The following THBS4 variants were observed in gnomAD, a reference collection of about 807,000 sequenced individuals.
THBS4 encodes thrombospondin 4.
THBS4 carries 90 observed loss-of-function variants against 115.7 expected under a neutral mutation model. The observed-to-expected ratio is 0.78, with a 90% CI of 0.66 to 0.93. The LOEUF (loss-of-function observed/expected upper bound fraction) is 0.93, where lower values mean the gene tolerates loss of function less well. Among genes scored for constraint, THBS4 ranks in the 40% least tolerant of loss-of-function variants. The probability of loss-of-function intolerance (pLI) is 0.00; values close to 1 mark genes in which losing one functional copy is unlikely to be tolerated. For missense variants in THBS4, 1,087 were observed against 1,232.7 expected (o/e 0.88, Z 1.77); for synonymous variants, 460 against 479.3 (o/e 0.96, Z 0.53).
chr5:80,011,390 C>T (rs1420905392), intron 2 of THBS4, among the ~76,000 whole-genome samples: 1 of 152,086 alleles, frequency 6.6e-6, no homozygotes, highest in African/African-American at 2.4e-5. Context: ...ACCATAGTTG[C>T]CACGGAGGCT....
At chr5:80,058,907 G>C in intron 5 of THBS4, 117 bp downstream of exon 5, 2 of 989,104 alleles carry the variant, frequency 2.0e-6, no homozygotes, top group Non-Finnish European at 3.0e-6. Flanking sequence ...CAGATCTCCG[G>C]GGGCCCACGC....
At position 80,058,724 on chromosome 5, in the gene THBS4, G is replaced by A; in HGVS notation, c.666G>A (p.Gln222=). The A allele has an allele frequency of 6.2e-7, 1 of 1,614,178 alleles. No homozygotes were observed. The highest frequency in any genetic ancestry group is 2.2e-5 in the East Asian group (1 of 44,864). ...AATGTGDFNR[Q]FLGQMTQLNQ... ...TTCCTACAGGGGACTTTAACCGGCA[G>A]TTCTTGGGTCAAATGACACAATTAA... is the stretch of plus-strand genomic sequence containing the variant. Residue 222 remains glutamine, a synonymous_variant, in exon 5 of 22, where the codon CAG becomes CAA. Coordinates refer to ENST00000350881, the MANE Select transcript of THBS4 (RefSeq NM_003248.6).
At chr5:80,073,452 C>T (rs1561326043) in intron 15 of THBS4, 125 bp downstream of exon 15, 14 of 810,796 alleles carry the variant, frequency 1.7e-5, no homozygotes, top group Admixed American at 9.2e-5. Flanking sequence ...GGTGCAATCT[C>T]GGCTCACTGC....
At chr5:80,007,323 C>T (rs998125761) in intron 2 of THBS4, among the ~76,000 whole-genome samples, 1 of 152,196 alleles carries the variant, frequency 6.6e-6, no homozygotes, top group Non-Finnish European at 1.5e-5. Context: ...TTTTCCAACT[C>T]TGATATTTTG....
chr5:80,001,523 A>G (rs958926930), intron 2 of THBS4, among the ~76,000 whole-genome samples: 1 of 152,168 alleles, frequency 6.6e-6, no homozygotes, highest in African/African-American at 2.4e-5. Context: ...GTGCTGTTGG[A>G]GATTAATTAA....
chr5:79,991,366 G>GA (rs1831668470), exon 1 of THBS4: 2 of 820,278 alleles, frequency 2.4e-6, no homozygotes, highest in Admixed American at 6.2e-5. Context: ...GAGAAACAAC[G>GA]ACTGGAGGGA....
Position 80,072,310 on chromosome 5 carries a change from T to C in THBS4, c.1753T>C (p.Phe585Leu). ...AAACATTCTGGACAACTGCCCAAAA[T>C]TTCCCAATCGTGACCAACGGGACAA... ...IKNILDNCPK[F>L]PNRDQRDKDG... The change falls in exon 14 of 22, where the codon TTT becomes CTT. Residue 585 changes from phenylalanine to leucine, a missense_variant. By Grantham distance (22) the Phe-to-Leu change is conservative (BLOSUM62 0). Transcript: ENST00000350881. The C allele has an allele frequency of 6.2e-7, 1 of 1,614,158 alleles. No individual in the cohort carries two copies. Among genetic ancestry groups the C allele is most frequent in the Non-Finnish European group, 8.5e-7 (1 of 1,180,030 alleles).
intron 1 of THBS4, among the ~76,000 whole-genome samples, chr5:79,992,358 G>A (rs750378867): frequency 1.2e-4 from 19 of 152,128 alleles, no homozygotes; most frequent in Middle Eastern, 3.4e-3. Flanking sequence ...TGAGATGGTC[G>A]GATCTTCTTA....
intron 2 of THBS4, 47 bp from the exon 3 acceptor site, chr5:80,055,738 C>T: frequency 5.1e-6 from 8 of 1,578,000 alleles, no homozygotes; most frequent in Non-Finnish European, 6.9e-6. Context: ...CTCCACTTCC[C>T]CCTCTGCCAC....
At position 80,068,093 on chromosome 5, in the gene THBS4, A is replaced by G; in HGVS notation, c.1315A>G (p.Ile439Val). 1.2e-6 allele frequency: 2 copies of G among 1,614,210 alleles called. No homozygotes were observed. The highest frequency in any genetic ancestry group is 8.5e-7 in the Non-Finnish European group (1 of 1,180,042). ...CCCTTGCAGTGTGAATGCCCAGTGCATTGAAGAGAGGCAGGGGGATGTGAC... is the reference window on the plus strand; with the variant it reads ...CCCTTGCAGTGTGAATGCCCAGTGCGTTGAAGAGAGGCAGGGGGATGTGAC... ...LNPCSVNAQCIEERQGDVTCV... is the reference protein window; with the variant it reads ...LNPCSVNAQCVEERQGDVTCV... Residue 439 changes from isoleucine (I) to valine (V), a missense_variant, in exon 10 of 22, where the codon ATT becomes GTT. By Grantham distance (29) the Ile-to-Val change is conservative. This residue lies in a region of THBS4 where 979 missense variants were observed against 1,103.7 expected (regional missense o/e 0.89). Coordinates refer to ENST00000350881, the MANE Select transcript of THBS4 (RefSeq NM_003248.6).
At chr5:79,991,557 G>C (rs995877412) in intron 1 of THBS4, 2 of 264,826 alleles carry the variant, frequency 7.6e-6, no homozygotes, top group Non-Finnish European at 1.4e-5. Flanking sequence ...GGATGACCCA[G>C]TATTTACAAG....
In THBS4 at chr5:80,026,337, A is replaced by G. The variant is rs1322622577; in HGVS notation, n.178-13740A>G. On this transcript the variant is annotated intron_variant and non_coding_transcript_variant, in intron 2 of 3. Coordinates refer to the THBS4 transcript ENST00000510218. ...CTCGACTCCTAGATCTGAGTAGTCAATAAGAAAGTAGGGAAGGGACTACCA... is the reference window on the plus strand; with the variant it reads ...CTCGACTCCTAGATCTGAGTAGTCAGTAAGAAAGTAGGGAAGGGACTACCA... Among the ~76,000 whole-genome samples, 8 of 152,232 alleles carry G rather than the reference A, an allele frequency of 5.3e-5. No individual in the cohort carries two copies. In the South Asian group the frequency reaches 1.0e-3, roughly 20 times the overall value.
chr5:80,031,438 G>A (rs948831052), upstream of THBS4, among the ~76,000 whole-genome samples: 4 of 152,188 alleles, frequency 2.6e-5, no homozygotes, highest in Non-Finnish European at 5.9e-5. Flanking sequence ...GAAATAAAAT[G>A]TAGTATATCA....
intron 2 of THBS4, among the ~76,000 whole-genome samples, chr5:80,013,248 TC>T (rs1338838513): frequency 6.6e-6 from 1 of 152,144 alleles, no homozygotes; most frequent in Non-Finnish European, 1.5e-5. Flanking sequence ...CAAGTGATTC[TC>T]CTGCCTCAGC....
Position 80,070,302 on chromosome 5 carries a change from A to G in THBS4, c.1348-4A>G. On this transcript the variant is annotated splice_polypyrimidine_tract_variant and splice_region_variant and intron_variant, in intron 10 of 21. Coordinates refer to ENST00000350881, the MANE Select transcript of THBS4 (RefSeq NM_003248.6). ...CAGGCCTCTGATGGGCTTTCCCTTT[A>G]CAGTGTGGAGTCGGTTGGGCTGGAG... 1 of 1,570,006 alleles carries G rather than the reference A, an allele frequency of 6.4e-7. No homozygotes were observed. Among genetic ancestry groups the G allele is most frequent in the Non-Finnish European group, 8.6e-7 (1 of 1,162,250 alleles).
intron 9 of THBS4, among the ~76,000 whole-genome samples, chr5:80,066,111 A>T (rs2112119044): frequency 6.6e-6 from 1 of 152,094 alleles, no homozygotes; most frequent in Admixed American, 6.5e-5. Flanking sequence ...AAAAAAAAAA[A>T]AAAACTTTTC....
At chr5:80,073,026 G>A (rs758781792) in intron 14 of THBS4, among the ~76,000 whole-genome samples, 6 of 152,114 alleles carry the variant, frequency 3.9e-5, no homozygotes, top group Non-Finnish European at 8.8e-5. Context: ...CTACCCCAGC[G>A]CCCCTTTCCA....
At chr5:80,032,314 C>G (rs1832601145), upstream of THBS4, among the ~76,000 whole-genome samples, 1 of 152,150 alleles carries the variant, frequency 6.6e-6, no homozygotes, top group South Asian at 2.1e-4. Flanking sequence ...TTCTGTTAGG[C>G]TAACAGAAAG....
At chr5:80,046,318 A>T (rs1438883074) in intron 2 of THBS4, among the ~76,000 whole-genome samples, 2 of 152,396 alleles carry the variant, frequency 1.3e-5, no homozygotes, top group South Asian at 2.1e-4. Context: ...TCAGGAGCAG[A>T]TGAATTACAC....
Sources: gnomAD v4.1 joint callset for allele counts (sites outside exome capture counted in the v4.1 genomes callset) on GRCh38, gnomAD v4.1.1 for gene constraint, gnomAD v4.1.1 regional missense constraint, MANE v1.5 for transcripts, NCBI Gene and HGNC (gene_info 2026-07-23, HGNC 2026-07-21) for gene names.